RALYL: variants seen among roughly 807,000 people sequenced by gnomAD.
RALYL encodes the protein RNA-binding Raly-like protein.
Under a neutral mutation model 35.1 loss-of-function variants are expected in RALYL, and 29 were observed. The ratio of observed to expected loss-of-function variants is 0.83; its 90% CI spans 0.61 to 1.13. The LOEUF (loss-of-function observed/expected upper bound fraction) is 1.13, where lower values mean the gene tolerates loss of function less well. RALYL is among the 50% of genes most tolerant of loss of function. The pLI, the probability that RALYL is intolerant of heterozygous loss-of-function variation, is 0.00. For synonymous variants in RALYL, 120 were observed against 127.6 expected, an observed-to-expected ratio of 0.94 and a Z score of 0.40; for missense variants, 359 against 360.4, an observed-to-expected ratio of 1.00 and a Z score of 0.03.
intron 2 of RALYL, among the ~76,000 whole-genome samples, chr8:84,765,683 A>G (rs1285219931): frequency 6.6e-6 from 1 of 152,150 alleles, no homozygotes; most frequent in African/African-American, 2.4e-5. Flanking sequence ...CAAACATAAC[A>G]GACTGTTTTC....
intron 1 of RALYL, among the ~76,000 whole-genome samples, chr8:84,333,661 A>G (rs1160334817): frequency 1.3e-5 from 2 of 152,122 alleles, no homozygotes; most frequent in Non-Finnish European, 2.9e-5. Context: ...ATATTCTGAC[A>G]TGTTCCCATT....
At chr8:84,263,424 T>C (rs1377464734) in intron 1 of RALYL, among the ~76,000 whole-genome samples, 1 of 152,144 alleles carries the variant, frequency 6.6e-6, no homozygotes, top group African/African-American at 2.4e-5. Context: ...TGTTGTGACA[T>C]GACAAGTTAC....
chr8:84,230,068 A>G (rs1824952629), intron 1 of RALYL, among the ~76,000 whole-genome samples: 1 of 152,204 alleles, frequency 6.6e-6, no homozygotes, highest in African/African-American at 2.4e-5. Context: ...GAAGTAATGT[A>G]TACTCAAATA....
At chr8:84,425,300 G>A (rs1208668580) in intron 1 of RALYL, among the ~76,000 whole-genome samples, 2 of 152,078 alleles carry the variant, frequency 1.3e-5, no homozygotes, top group Non-Finnish European at 2.9e-5. Flanking sequence ...TCGGGTGGGA[G>A]TGACCCGATT....
intron 1 of RALYL, among the ~76,000 whole-genome samples, chr8:84,327,468 C>T (rs10504792): frequency 0.036 from 5,503 of 152,172 alleles, 134 homozygotes; most frequent in East Asian, 0.13. Flanking sequence ...TGAATTTCAA[C>T]GTATGGACCA....
intron 2 of RALYL, among the ~76,000 whole-genome samples, chr8:84,713,189 A>G (rs1424867022): frequency 1.3e-5 from 2 of 152,060 alleles, no homozygotes; most frequent in Non-Finnish European, 2.9e-5. Context: ...CCAGTTTTCC[A>G]ACACCATTTA....
chr8:84,887,531 G>GT, intron 7 of RALYL, 73 bp from the exon 8 acceptor site: 3 of 1,393,766 alleles, frequency 2.2e-6, no homozygotes, highest in Non-Finnish European at 2.9e-6. Flanking sequence ...TTCATGGACT[G>GT]TTTTTTCATG....
intron 1 of RALYL, among the ~76,000 whole-genome samples, chr8:84,476,789 G>A (rs773926976): frequency 1.2e-4 from 19 of 152,166 alleles, no homozygotes; most frequent in Non-Finnish European, 1.5e-4. Context: ...CAGCAGATGC[G>A]GAAAGGAGCA....
At chr8:84,544,498 A>G (rs2060227366) in intron 2 of RALYL, among the ~76,000 whole-genome samples, 1 of 151,960 alleles carries the variant, frequency 6.6e-6, no homozygotes, top group Non-Finnish European at 1.5e-5. Context: ...ATTGCATAGT[A>G]TTCTATTGTG....
chr8:84,820,277 T>A (rs1828239243), intron 4 of RALYL, among the ~76,000 whole-genome samples: 1 of 152,234 alleles, frequency 6.6e-6, no homozygotes, highest in Non-Finnish European at 1.5e-5. Flanking sequence ...ATGAAGGATT[T>A]ATGACCACTT....
intron 2 of RALYL, among the ~76,000 whole-genome samples, chr8:84,532,788 G>A (rs1407361112): frequency 6.6e-6 from 1 of 152,012 alleles, no homozygotes; most frequent in Non-Finnish European, 1.5e-5. Flanking sequence ...AACATCAGTA[G>A]TACCAGGAAA....
intron 1 of RALYL, among the ~76,000 whole-genome samples, chr8:84,297,666 A>T (rs2132313334): frequency 6.6e-6 from 1 of 152,298 alleles, no homozygotes; most frequent in East Asian, 1.9e-4. Flanking sequence ...CATTCTAATC[A>T]ACAGTGGATA....
intron 1 of RALYL, among the ~76,000 whole-genome samples, chr8:84,424,076 C>T (rs560476945): frequency 5.3e-5 from 8 of 151,926 alleles, no homozygotes; most frequent in South Asian, 2.1e-4. Context: ...CTCTCTATTT[C>T]CTGAATCTGA....
intron 8 of RALYL, among the ~76,000 whole-genome samples, chr8:84,895,642 AG>A (rs1425092103): frequency 6.6e-6 from 1 of 152,124 alleles, no homozygotes. Context: ...CCTCCCGAGT[AG>A]CTGGGATTAC....
chr8:84,485,650 C>A (rs1203907376), intron 1 of RALYL, among the ~76,000 whole-genome samples: 1 of 152,126 alleles, frequency 6.6e-6, no homozygotes, highest in East Asian at 1.9e-4. Flanking sequence ...CACCATCTCT[C>A]AGTTGATGGC....
chr8:84,654,135 T>C (rs919881505), intron 2 of RALYL, among the ~76,000 whole-genome samples: 6 of 149,516 alleles, frequency 4.0e-5, no homozygotes, highest in Admixed American at 2.7e-4. Flanking sequence ...TATATACATA[T>C]ATGTTACATA....
rs5892914 is a variant in RALYL at position 84,371,539 on chromosome 8, T to TCACACACACACACACACA, written c.-23-157743_-23-157726dup. 2.4e-3 allele frequency among the ~76,000 whole-genome samples: 351 copies of TCACACACACACACACACA among 144,148 alleles called. 1 individual carries two copies. The highest frequency in any genetic ancestry group is 8.2e-3 in the African/African-American group (319 of 38,890). 94.6% of individuals were successfully genotyped at this position (144,148 alleles called of 152,430 possible). A position where few individuals can be genotyped will look rare whatever the true frequency, so the allele number is the denominator to read the frequency against. On this transcript the variant is annotated intron_variant, in intron 1 of 8. Coordinates refer to ENST00000521268, the MANE Select transcript of RALYL (RefSeq NM_173848.7). ...AAAATAGGGAATAAATTTATGATTA[T>TCACACACACACACACACA]CACACACACACACACACACACACAC... is the stretch of plus-strand genomic sequence containing the variant.
intron 1 of RALYL, among the ~76,000 whole-genome samples, chr8:84,415,289 C>G (rs1481782957): frequency 6.7e-6 from 1 of 149,200 alleles, no homozygotes; most frequent in Non-Finnish European, 1.5e-5. Context: ...GGTTGGAGTG[C>G]AACGGTGCAA....
At chr8:84,486,403 A>G (rs893231928) in intron 1 of RALYL, among the ~76,000 whole-genome samples, 1 of 151,504 alleles carries the variant, frequency 6.6e-6, no homozygotes, top group Non-Finnish European at 1.5e-5. Context: ...ATCTGCATTT[A>G]TTTGGTTATA....
Sources: gnomAD v4.1 joint callset for allele counts (sites outside exome capture counted in the v4.1 genomes callset) on GRCh38, gnomAD v4.1.1 for gene constraint, MANE v1.5 for transcripts, NCBI Gene and HGNC (gene_info 2026-07-23, HGNC 2026-07-21) for gene names.